PHF20: variants seen among roughly 807,000 people sequenced by gnomAD.
PHF20 encodes the protein glioma-expressed antigen 2.
PHF20 carries 23 observed loss-of-function variants against 113.5 expected under a neutral mutation model. The observed-to-expected ratio is 0.20, with a 90% confidence interval of 0.15 to 0.29. The LOEUF is 0.29. Among genes scored for constraint, PHF20 ranks in the 10% least tolerant of loss-of-function variants. The probability of loss-of-function intolerance (pLI) is 1.00; values close to 1 mark genes in which losing one functional copy is unlikely to be tolerated. For missense variants in PHF20, 943 were observed against 1,219.6 expected (o/e 0.77, Z 3.38); for synonymous variants, 434 against 457.3 (o/e 0.95, Z 0.65).
At chr20:35,858,490 T>A (rs2042878539) in intron 5 of PHF20, 109 bp downstream of exon 5, 1 of 593,370 alleles carries the variant, frequency 1.7e-6, no homozygotes, top group South Asian at 2.5e-5. Flanking sequence ...GTTTATTTCC[T>A]CCATCTGACA....
intron 10 of PHF20, among the ~76,000 whole-genome samples, chr20:35,899,976 G>A (rs76821563): frequency 0.054 from 8,159 of 152,218 alleles, 333 homozygotes; most frequent in African/African-American, 0.12. Flanking sequence ...GGGTGCCATC[G>A]TCCCACTCTC....
chr20:35,817,517 A>G (rs2042097317), intron 2 of PHF20, among the ~76,000 whole-genome samples: 1 of 151,368 alleles, frequency 6.6e-6, no homozygotes, highest in Non-Finnish European at 1.5e-5. Flanking sequence ...TTTTGGGGCC[A>G]GGCATGGTGT....
chr20:35,924,389 T>C (rs926396222), intron 13 of PHF20, among the ~76,000 whole-genome samples: 2 of 151,762 alleles, frequency 1.3e-5, no homozygotes, highest in Non-Finnish European at 2.9e-5. Context: ...AGGCAGGGTT[T>C]CTCCATGTTG....
At chr20:35,841,478 C>T (rs1053995802) in intron 2 of PHF20, among the ~76,000 whole-genome samples, 4 of 151,992 alleles carry the variant, frequency 2.6e-5, no homozygotes, top group South Asian at 2.1e-4. Context: ...TTTTAATAAC[C>T]GCGTAGTATA....
intron 13 of PHF20, among the ~76,000 whole-genome samples, chr20:35,919,336 ATTTTTTTTTT>A (rs751803907): frequency 8.9e-6 from 1 of 112,636 alleles, no homozygotes; most frequent in Non-Finnish European, 1.9e-5. Flanking sequence ...TGTTATGGTA[ATTTTTTTTTT>A]TTTTTTTTTT....
chr20:35,871,023 C>T lies in PHF20; in HGVS notation c.991C>T (p.Leu331=), dbSNP rs1169189569. Residue 331 remains leucine, a synonymous_variant, in exon 8 of 18, where the codon CTG becomes TTG. Coordinates refer to ENST00000374012, the MANE Select transcript of PHF20 (RefSeq NM_016436.5). The part of the protein sequence containing the change: ...KDLSRRRSSR[L]STNGTHEILD... Reference sequence around the variant, plus strand: ...CTTATCGAGGAGACGTTCCTCCAGGCTGTCCACTAATGGGACCCATGAGAT... The same window carrying T: ...CTTATCGAGGAGACGTTCCTCCAGGTTGTCCACTAATGGGACCCATGAGAT... The T allele has an allele frequency of 3.1e-6, 5 of 1,611,974 alleles. No individual in the cohort carries two copies. In the East Asian group the frequency reaches 1.1e-4, roughly 36 times the overall value.
chr20:35,940,165 A>G (rs1309236206), intron 16 of PHF20, among the ~76,000 whole-genome samples: 1 of 152,192 alleles, frequency 6.6e-6, no homozygotes, highest in Non-Finnish European at 1.5e-5. Context: ...AATATTGGCT[A>G]GAATCTATTT....
intron 2 of PHF20, among the ~76,000 whole-genome samples, chr20:35,821,185 G>A (rs1048517162): frequency 5.3e-5 from 8 of 151,866 alleles, no homozygotes; most frequent in African/African-American, 1.5e-4. Context: ...GCAGTGGCTC[G>A]CACCTGTAAT....
intron 3 of PHF20, among the ~76,000 whole-genome samples, chr20:35,845,036 A>G (rs78094716): frequency 0.051 from 7,709 of 152,228 alleles, 245 homozygotes; most frequent in African/African-American, 0.099. Flanking sequence ...TTCACCAGCC[A>G]GTCCTGGACC....
At chr20:35,891,942 T>C (rs1477043968) in intron 9 of PHF20, among the ~76,000 whole-genome samples, 1 of 152,078 alleles carries the variant, frequency 6.6e-6, no homozygotes, top group East Asian at 1.9e-4. Flanking sequence ...CAATCTTGGC[T>C]CACTGCAACC....
intron 9 of PHF20, among the ~76,000 whole-genome samples, chr20:35,873,105 ATT>A (rs113938713): frequency 6.9e-6 from 1 of 144,704 alleles, no homozygotes. Flanking sequence ...CACATTTATA[ATT>A]TTTTTTTTTT....
At chr20:35,846,454 G>T (rs550573892) in intron 3 of PHF20, among the ~76,000 whole-genome samples, 1 of 152,296 alleles carries the variant, frequency 6.6e-6, no homozygotes, top group South Asian at 2.1e-4. Context: ...GTGAGCCACT[G>T]CACCTGGCCC....
intron 9 of PHF20, among the ~76,000 whole-genome samples, chr20:35,886,414 C>G (rs967897841): frequency 1.3e-5 from 2 of 152,198 alleles, no homozygotes; most frequent in African/African-American, 4.8e-5. Flanking sequence ...GTGTGAGCCA[C>G]TGTGCCTGGC....
intron 3 of PHF20, among the ~76,000 whole-genome samples, chr20:35,843,843 G>C (rs2042574664): frequency 6.6e-6 from 1 of 152,112 alleles, no homozygotes; most frequent in Admixed American, 6.6e-5. Flanking sequence ...CTCCCACAGT[G>C]CTAGGATTAT....
chr20:35,801,481 G>A lies in PHF20; in HGVS notation c.-32-10G>A, dbSNP rs2041780055. ...CCTAAGTTTCATAAATATTTAATTG[G>A]CTTTTTCAGGAGAATAAAGGCAGCC... On this transcript the variant is annotated splice_polypyrimidine_tract_variant and intron_variant, in intron 1 of 17. Transcript: ENST00000374012. The A allele has an allele frequency of 3.6e-6, 5 of 1,406,842 alleles. No individual in the cohort carries two copies. Among genetic ancestry groups the A allele is most frequent in the Non-Finnish European group, 5.0e-6 (5 of 996,794 alleles). The allele number at this position is 1,406,842 out of a possible 1,614,324, so 87.1% of individuals were successfully genotyped here.
At chr20:35,917,751 G>A in intron 13 of PHF20, 89 bp downstream of exon 13, 1 of 1,135,462 alleles carries the variant, frequency 8.8e-7, no homozygotes, top group South Asian at 1.5e-5. Flanking sequence ...GCAAGTCATA[G>A]CAGAGCCCCA....
intron 12 of PHF20, 131 bp downstream of exon 12, chr20:35,914,328 T>C: frequency 1.1e-6 from 1 of 902,408 alleles, no homozygotes; most frequent in Non-Finnish European, 1.7e-6. Flanking sequence ...ACATAATTTT[T>C]ATTTTCCCAG....
intron 3 of PHF20, among the ~76,000 whole-genome samples, 164 bp downstream of exon 3, chr20:35,842,908 TTTTG>T (rs754808796): frequency 4.6e-5 from 7 of 152,106 alleles, no homozygotes; most frequent in Admixed American, 1.3e-4. Flanking sequence ...AGAATCCCAA[TTTTG>T]TTTGTTTGTT....
intron 2 of PHF20, among the ~76,000 whole-genome samples, chr20:35,816,831 G>A (rs1265904230): frequency 6.9e-6 from 1 of 144,976 alleles, no homozygotes; most frequent in Non-Finnish European, 1.5e-5. Context: ...TTGCTCTGTT[G>A]CCCAGGCTCG....
Sources: gnomAD v4.1 joint callset for allele counts (sites outside exome capture counted in the v4.1 genomes callset) on GRCh38, gnomAD v4.1.1 for gene constraint, MANE v1.5 for transcripts, NCBI Gene and HGNC (gene_info 2026-07-23, HGNC 2026-07-21) for gene names.